MAMLD1: variants seen among roughly 807,000 people sequenced by gnomAD.
MAMLD1 encodes mastermind like domain containing 1.
MAMLD1 carries 14 observed loss-of-function variants against 45.0 expected under a neutral mutation model. The ratio of observed to expected loss-of-function variants is 0.31; its 90% confidence interval spans 0.21 to 0.49. MAMLD1 has a LOEUF of 0.49. MAMLD1 is among the 20% of genes least tolerant of loss of function. The pLI is 0.99. For missense variants in MAMLD1, 543 were observed against 603.6 expected (o/e 0.90, Z 1.05); for synonymous variants, 254 against 247.8 (o/e 1.02, Z -0.24).
chrX:150,491,519 C>T (rs1049203460), intron 5 of MAMLD1, among the ~76,000 whole-genome samples: 14 of 112,302 alleles, frequency 1.2e-4, no homozygotes, highest in African/African-American at 4.2e-4. Flanking sequence ...GTTGACCTCA[C>T]TGTAATCTGG....
chrX:150,443,545 C>T (rs1485461525), intron 1 of MAMLD1, among the ~76,000 whole-genome samples: 1 of 89,501 alleles, frequency 1.1e-5, no homozygotes, highest in African/African-American at 4.0e-5. Context: ...TCTCCTAATG[C>T]TATCCCTCCT....
At chrX:150,489,928 C>T (rs2037128854) in intron 5 of MAMLD1, among the ~76,000 whole-genome samples, 1 of 111,216 alleles carries the variant, frequency 9.0e-6, no homozygotes. Flanking sequence ...AGAAGAGTCT[C>T]AGACAGTAGC....
At chrX:150,484,754 A>C (rs1214828931) in intron 5 of MAMLD1, among the ~76,000 whole-genome samples, 5 of 112,698 alleles carry the variant, frequency 4.4e-5, no homozygotes, top group African/African-American at 1.3e-4. Flanking sequence ...TGCTGCAAAC[A>C]AAAAGTCTGC....
At chrX:150,418,267 G>A (rs1201888243) in intron 1 of MAMLD1, among the ~76,000 whole-genome samples, 2 of 111,441 alleles carry the variant, frequency 1.8e-5, no homozygotes, top group African/African-American at 6.5e-5. Context: ...TTGTATTTCT[G>A]TGGGATCGGT....
At chrX:150,471,540 C>T (rs1557406575) in intron 4 of MAMLD1, 50 bp downstream of exon 4, 1 of 1,210,842 alleles carries the variant, frequency 8.3e-7, no homozygotes, top group East Asian at 3.0e-5. Context: ...GAAGTAACAA[C>T]TGTGTTTCAT....
chrX:150,375,522 G>T (rs782718977), intron 1 of MAMLD1, among the ~76,000 whole-genome samples: 1 of 112,566 alleles, frequency 8.9e-6, no homozygotes, highest in Admixed American at 9.4e-5. Flanking sequence ...CACCCCATGT[G>T]CATTTTAGGA....
chrX:150,425,619 C>T (rs1290203915), intron 1 of MAMLD1, among the ~76,000 whole-genome samples: 1 of 111,916 alleles, frequency 8.9e-6, no homozygotes, highest in Non-Finnish European at 1.9e-5. Context: ...AGCCCTCCAC[C>T]CAAGCTTGAA....
chrX:150,468,730 T>C (rs1403273130), intron 3 of MAMLD1, among the ~76,000 whole-genome samples: 8 of 111,815 alleles, frequency 7.2e-5, no homozygotes, highest in African/African-American at 2.3e-4. Context: ...AGATCCCAGA[T>C]TGGGGCCTTT....
intron 1 of MAMLD1, among the ~76,000 whole-genome samples, chrX:150,405,657 G>T (rs782546425): frequency 8.9e-6 from 1 of 111,799 alleles, no homozygotes; most frequent in South Asian, 3.8e-4. Flanking sequence ...TGTTTTCCAC[G>T]CTTTGAGCAC....
chrX:150,446,450 C>A (rs1439620016), intron 2 of MAMLD1, among the ~76,000 whole-genome samples: 1 of 111,762 alleles, frequency 8.9e-6, no homozygotes, highest in African/African-American at 3.3e-5. Flanking sequence ...AACTAGAGGG[C>A]CTGTCTTCTC....
intron 5 of MAMLD1, among the ~76,000 whole-genome samples, chrX:150,474,605 C>T (rs782103032): frequency 1.8e-5 from 2 of 112,139 alleles, no homozygotes; most frequent in African/African-American, 6.5e-5. Flanking sequence ...CCTGTACCCA[C>T]CATGAGATTG....
At chrX:150,504,380 C>T (rs2037659962) in intron 6 of MAMLD1, 1 of 752,409 alleles carries the variant, frequency 1.3e-6, no homozygotes, top group Admixed American at 8.7e-5. Context: ...AAGGGCCTCC[C>T]AGGATTCTGG....
chrX:150,512,326 T>A lies in MAMLD1; in HGVS notation c.*367T>A. The A allele has an allele frequency of 8.8e-7, 1 of 1,132,567 alleles. No individual in the cohort carries two copies. The highest frequency in any genetic ancestry group is 1.2e-6 in the Non-Finnish European group (1 of 858,971). The allele number at this position is 1,132,567 out of a possible 1,213,427, so 93.3% of individuals were successfully genotyped here. ...CAGAAGTGCCCCTGCCTGGGTTCTG[T>A]CCCAGCTCCCTGGGCACCCAGTCCT... is the stretch of plus-strand genomic sequence containing the variant. On this transcript the variant is annotated 3_prime_UTR_variant, in exon 8 of 8. Transcript: ENST00000370401.
At chrX:150,506,588 C>T (rs2037735478) in intron 6 of MAMLD1, among the ~76,000 whole-genome samples, 1 of 112,378 alleles carries the variant, frequency 8.9e-6, no homozygotes, top group African/African-American at 3.2e-5. Context: ...TTGTGGGCAT[C>T]TGTCTCAGTC....
chrX:150,376,039 T>C (rs1331517461), intron 1 of MAMLD1, among the ~76,000 whole-genome samples: 1 of 111,268 alleles, frequency 9.0e-6, no homozygotes, highest in Non-Finnish European at 1.9e-5. Flanking sequence ...TCAGCTTTGA[T>C]ACCAACTAGC....
upstream of MAMLD1, among the ~76,000 whole-genome samples, chrX:150,362,346 TG>T (rs1353821740): frequency 2.7e-5 from 3 of 111,163 alleles, no homozygotes; most frequent in Admixed American, 9.4e-5. Flanking sequence ...CTCCCGTCCC[TG>T]TGACACTTCA....
intron 5 of MAMLD1, among the ~76,000 whole-genome samples, chrX:150,489,736 C>T (rs2037120151): frequency 9.1e-6 from 1 of 109,804 alleles, no homozygotes; most frequent in African/African-American, 3.3e-5. Context: ...TAACCAAGTA[C>T]TCCTTTTTGT....
chrX:150,398,714 G>A (rs891941969), intron 1 of MAMLD1, among the ~76,000 whole-genome samples: 9 of 111,705 alleles, frequency 8.1e-5, no homozygotes, highest in African/African-American at 9.8e-5. Context: ...TACCTCCTCC[G>A]TGAACTCTCA....
At chrX:150,374,420 G>A (rs782366611) in intron 1 of MAMLD1, among the ~76,000 whole-genome samples, 3 of 112,214 alleles carry the variant, frequency 2.7e-5, no homozygotes, top group Admixed American at 9.4e-5. Context: ...CAAAAGAGAC[G>A]GTGTTGGTGA....
Sources: gnomAD v4.1 joint callset for allele counts (sites outside exome capture counted in the v4.1 genomes callset) on GRCh38, gnomAD v4.1.1 for gene constraint, MANE v1.5 for transcripts, NCBI Gene and HGNC (gene_info 2026-07-23, HGNC 2026-07-21) for gene names.